SLC14A2: variants seen among roughly 807,000 people sequenced by gnomAD.
SLC14A2 encodes solute carrier family 14 member 2.
In SLC14A2, 91 loss-of-function variants were observed where a neutral mutation model predicts 104.6. The observed-to-expected ratio is 0.87, with a 90% CI of 0.73 to 1.04. The LOEUF is 1.04. Ranked by LOEUF, SLC14A2 falls within the 50% of genes least tolerant of loss-of-function variation. The pLI, the probability that SLC14A2 is intolerant of heterozygous loss-of-function variation, is 0.00. For synonymous variants in SLC14A2, 476 were observed against 466.4 expected, an observed-to-expected ratio of 1.02 and a Z score of -0.27; for missense variants, 1,189 against 1,156.0, an observed-to-expected ratio of 1.03 and a Z score of -0.41.
At chr18:45,570,737 C>G (rs2044332987) in intron 2 of SLC14A2, among the ~76,000 whole-genome samples, 1 of 152,142 alleles carries the variant, frequency 6.6e-6, no homozygotes, top group African/African-American at 2.4e-5. Flanking sequence ...TCATTTGGTA[C>G]CAAGATTGTG....
the SLC14A2 span, among the ~76,000 whole-genome samples, chr18:45,190,175 G>T: frequency 6.6e-6 from 1 of 152,290 alleles, no homozygotes; most frequent in African/African-American, 2.4e-5. Flanking sequence ...CTTGGGAACC[G>T]TTTGTTGACC....
chr18:45,393,481 C>T (rs1221928694), intron 1 of SLC14A2, among the ~76,000 whole-genome samples: 3 of 152,198 alleles, frequency 2.0e-5, no homozygotes, highest in Non-Finnish European at 2.9e-5. Context: ...TGTTCCAGTT[C>T]ATTTTTCTCT....
At chr18:45,496,252 G>T (rs1247249873) in intron 2 of SLC14A2, among the ~76,000 whole-genome samples, 1 of 152,220 alleles carries the variant, frequency 6.6e-6, no homozygotes, top group Non-Finnish European at 1.5e-5. Context: ...ATTCAGAGAA[G>T]TAACATTTCC....
intron 1 of SLC14A2, among the ~76,000 whole-genome samples, chr18:45,351,764 A>G (rs2085506028): frequency 1.3e-5 from 2 of 152,366 alleles, no homozygotes; most frequent in South Asian, 4.1e-4. Context: ...GAGAGCTTAC[A>G]ACCTACATGG....
intron 1 of SLC14A2, among the ~76,000 whole-genome samples, chr18:45,275,854 T>A (rs865776860): frequency 1.5e-4 from 23 of 152,292 alleles, no homozygotes; most frequent in East Asian, 3.9e-4. Flanking sequence ...ATAACTTTTT[T>A]AAAAAATAAA....
At chr18:45,284,339 T>A (rs7243522) in intron 1 of SLC14A2, among the ~76,000 whole-genome samples, 31,984 of 152,098 alleles carry the variant, frequency 0.21, 4,881 homozygotes, top group African/African-American at 0.43. Flanking sequence ...TTGACTTGGT[T>A]TGGCCAATGG....
intron 1 of SLC14A2, chr18:45,435,287 C>G (rs1025253845): frequency 1.3e-5 from 2 of 152,112 alleles, no homozygotes; most frequent in African/African-American, 2.4e-5. Context: ...TGATCAAACT[C>G]ACAGATGGAA....
At chr18:45,473,252 C>A (rs2087286433) in intron 1 of SLC14A2, among the ~76,000 whole-genome samples, 2 of 152,178 alleles carry the variant, frequency 1.3e-5, no homozygotes, top group South Asian at 2.1e-4. Context: ...GCTTTGGTAC[C>A]AGTACCATGC....
At chr18:45,512,637 G>A (rs2043382165) in intron 2 of SLC14A2, among the ~76,000 whole-genome samples, 1 of 152,206 alleles carries the variant, frequency 6.6e-6, no homozygotes, top group Admixed American at 6.5e-5. Context: ...CTTCCAGCAA[G>A]AGAGAACAAT....
chr18:45,290,962 C>G (rs1402339396), intron 1 of SLC14A2, among the ~76,000 whole-genome samples: 2 of 152,142 alleles, frequency 1.3e-5, no homozygotes, highest in Non-Finnish European at 2.9e-5. Flanking sequence ...ATATGTCCTC[C>G]AAGATTCATT....
At chr18:45,417,817 T>C (rs1030110775) in intron 1 of SLC14A2, among the ~76,000 whole-genome samples, 1 of 152,174 alleles carries the variant, frequency 6.6e-6, no homozygotes, top group Non-Finnish European at 1.5e-5. Flanking sequence ...CAGAAATCAG[T>C]AAATAATATT....
intron 1 of SLC14A2, among the ~76,000 whole-genome samples, chr18:45,403,785 T>TGAATGAGTGAATGAAC (rs1555682874): frequency 6.6e-6 from 1 of 152,144 alleles, no homozygotes; most frequent in East Asian, 1.9e-4. Flanking sequence ...AATGAATGAA[T>TGAATGAGTGAATGAAC]AAATGAGTGG....
chr18:45,313,126 C>A (rs1476142630), intron 1 of SLC14A2, among the ~76,000 whole-genome samples: 1 of 152,148 alleles, frequency 6.6e-6, no homozygotes, highest in Non-Finnish European at 1.5e-5. Flanking sequence ...TTCACTGGGG[C>A]AAATGGAGAG....
At chr18:45,652,935 C>T (rs1418198038) in intron 10 of SLC14A2, among the ~76,000 whole-genome samples, 1 of 152,000 alleles carries the variant, frequency 6.6e-6, no homozygotes, top group Non-Finnish European at 1.5e-5. Flanking sequence ...CAGTCATTTC[C>T]TGTCTTTTCA....
chr18:45,339,809 A>G (rs1005470221), intron 1 of SLC14A2, among the ~76,000 whole-genome samples: 2 of 152,244 alleles, frequency 1.3e-5, no homozygotes, highest in African/African-American at 4.8e-5. Context: ...GGGTGACCAT[A>G]TAATTTATTG....
At chr18:45,321,766 G>A (rs146253141) in intron 1 of SLC14A2, among the ~76,000 whole-genome samples, 31 of 152,298 alleles carry the variant, frequency 2.0e-4, no homozygotes, top group African/African-American at 6.5e-4. Flanking sequence ...CACCTGTACC[G>A]AGCAGTCATC....
intron 2 of SLC14A2, among the ~76,000 whole-genome samples, chr18:45,511,855 G>T (rs2043369771): frequency 6.6e-6 from 1 of 152,168 alleles, no homozygotes; most frequent in South Asian, 2.1e-4. Context: ...ACCACATAGG[G>T]TTCAAGCCTC....
intron 2 of SLC14A2, among the ~76,000 whole-genome samples, chr18:45,526,146 T>C (rs1264359028): frequency 6.6e-6 from 1 of 152,238 alleles, no homozygotes; most frequent in Non-Finnish European, 1.5e-5. Context: ...ATCTGGGTTA[T>C]GCAGGGAAAG....
At chr18:45,669,649 T>C (rs1568003235) in intron 16 of SLC14A2, 151 bp downstream of exon 16, 1 of 667,976 alleles carries the variant, frequency 1.5e-6, no homozygotes, top group South Asian at 2.1e-5. Flanking sequence ...TGAGCTGCCA[T>C]CCTTTTCTAC....
Sources: allele counts gnomAD v4.1 joint callset (sites outside exome capture counted in the v4.1 genomes callset), GRCh38; gene constraint gnomAD v4.1.1; transcripts MANE v1.5; gene names NCBI Gene and HGNC (gene_info 2026-07-23, HGNC 2026-07-21).